UNC79: variants seen among roughly 807,000 people sequenced by gnomAD.
The protein encoded by UNC79 is unc-79 subunit of NALCN channel complex.
In UNC79, 37 loss-of-function variants were observed where a neutral mutation model predicts 283.1. That is an observed-to-expected ratio of 0.13 (90% CI 0.10 to 0.17). The LOEUF (loss-of-function observed/expected upper bound fraction) is 0.17. UNC79 is among the 10% of genes least tolerant of loss of function. The pLI, the probability that UNC79 is intolerant of heterozygous loss-of-function variation, is 1.00. For missense variants in UNC79, 2,272 were observed against 3,211.1 expected (o/e 0.71, Z 7.07); for synonymous variants, 1,107 against 1,200.2 (o/e 0.92, Z 1.61).
In UNC79 at chr14:93,523,342, G is replaced by A. The variant is rs111371069; in HGVS notation, c.899-636G>A. Among the ~76,000 whole-genome samples the A allele has an allele frequency of 9.5e-3, 1,454 of 152,278 alleles. 15 individuals carry two copies. The highest frequency in any genetic ancestry group is 0.026 in the African/African-American group (1,101 of 41,552). On this transcript the variant is annotated intron_variant, in intron 7 of 48. Coordinates refer to ENST00000555664, the Ensembl canonical transcript of UNC79. Reference sequence around the variant, plus strand: ...AGCAAAGGTTTAGTAGGTGGGTCACGTGTAAGAGAGAGATGCATTTCATTT... The same window carrying A: ...AGCAAAGGTTTAGTAGGTGGGTCACATGTAAGAGAGAGATGCATTTCATTT...
chr14:93,352,161 G>A (rs991914877), intron 1 of UNC79, among the ~76,000 whole-genome samples: 1 of 152,138 alleles, frequency 6.6e-6, no homozygotes, highest in African/African-American at 2.4e-5. Flanking sequence ...ATCTATCTTC[G>A]CTGTTCACTG....
At chr14:93,498,450 A>G (rs2140638154) in intron 7 of UNC79, among the ~76,000 whole-genome samples, 1 of 151,642 alleles carries the variant, frequency 6.6e-6, no homozygotes, top group African/African-American at 2.4e-5. Flanking sequence ...TTTTAGCCGG[A>G]CGTGGTGGCA....
exon 23 of UNC79, chr14:93,593,681 C>T: frequency 6.2e-7 from 1 of 1,610,702 alleles, no homozygotes; most frequent in Middle Eastern, 1.7e-4. Context: ...ATTCCCTAGC[C>T]TGTGGAGGGT....
At chr14:93,495,830 A>T (rs1285052291) in intron 5 of UNC79, among the ~76,000 whole-genome samples, 8 of 152,228 alleles carry the variant, frequency 5.3e-5, no homozygotes, top group Admixed American at 4.6e-4. Context: ...CCAAGTGAAG[A>T]TAGGCAAATC....
chr14:93,628,514 C>T (rs2067746466), intron 30 of UNC79, among the ~76,000 whole-genome samples: 1 of 152,194 alleles, frequency 6.6e-6, no homozygotes, highest in Non-Finnish European at 1.5e-5. Flanking sequence ...TTCCAACATA[C>T]AATAATTTAT....
chr14:93,570,746 T>G (rs1303054876), intron 14 of UNC79, among the ~76,000 whole-genome samples: 1 of 149,108 alleles, frequency 6.7e-6, no homozygotes, highest in Non-Finnish European at 1.5e-5. Context: ...CTAAAAATCC[T>G]TTTAAATATG....
intron 35 of UNC79, among the ~76,000 whole-genome samples, chr14:93,651,852 G>T (rs901143783): frequency 6.7e-6 from 1 of 150,196 alleles, no homozygotes; most frequent in African/African-American, 2.5e-5. Flanking sequence ...GGATTCTCCT[G>T]CCTCAGGCTC....
At chr14:93,589,906 A>G (rs564465864) in intron 22 of UNC79, among the ~76,000 whole-genome samples, 1 of 152,304 alleles carries the variant, frequency 6.6e-6, no homozygotes, top group African/African-American at 2.4e-5. Flanking sequence ...CTGCTAAAAC[A>G]AAATATTAGC....
chr14:93,593,525 T>A (rs2064843653), intron 22 of UNC79, among the ~76,000 whole-genome samples, 155 bp from the exon 23 acceptor site: 1 of 152,216 alleles, frequency 6.6e-6, no homozygotes, highest in Non-Finnish European at 1.5e-5. Context: ...GAAACGTCTG[T>A]CAGAGGATTA....
rs186943749 is a variant in UNC79 at position 93,462,259 on chromosome 14, T to A, written c.23-5412T>A. The stretch of plus-strand genomic sequence containing the variant: ...AGGTGGAGGTTGCAGTGAGCGGAGA[T>A]CGGGCCACTGCATCCCAGGCTGGGT... On this transcript the variant is annotated intron_variant, in intron 1 of 48. Transcript: ENST00000555664. Among the ~76,000 whole-genome samples the A allele has an allele frequency of 3.3e-5, 5 of 152,184 alleles. No homozygotes were observed. The East Asian group carries it at 7.7e-4, about 24-fold the overall frequency.
chr14:93,413,409 C>G (rs1032664798), intron 1 of UNC79, among the ~76,000 whole-genome samples: 10 of 151,356 alleles, frequency 6.6e-5, no homozygotes, highest in African/African-American at 2.2e-4. Context: ...GCCACATTTT[C>G]TTAATCCAGT....
chr14:93,676,858 G>A (rs2073385632), intron 41 of UNC79, among the ~76,000 whole-genome samples: 2 of 152,300 alleles, frequency 1.3e-5, no homozygotes, highest in South Asian at 2.1e-4. Flanking sequence ...ACTTCTGAAT[G>A]TGTTTTATGG....
intron 7 of UNC79, among the ~76,000 whole-genome samples, chr14:93,512,312 A>G (rs961500022): frequency 6.6e-6 from 1 of 151,378 alleles, no homozygotes. Context: ...TCTTTGAAAG[A>G]TTTTCTGTTT....
chr14:93,487,633 T>A (rs1370285047), intron 4 of UNC79, 30 bp from the exon 5 acceptor site: 23 of 1,588,832 alleles, frequency 1.4e-5, no homozygotes, highest in Non-Finnish European at 1.7e-5. Flanking sequence ...GAGATTAAAT[T>A]GTGTCTAATC....
intron 1 of UNC79, among the ~76,000 whole-genome samples, chr14:93,382,817 C>T (rs2054691273): frequency 1.3e-5 from 2 of 152,100 alleles, no homozygotes; most frequent in South Asian, 4.1e-4. Flanking sequence ...GTTACCACTG[C>T]CGCATCAATA....
chr14:93,516,077 C>G (rs2060039333), intron 7 of UNC79, among the ~76,000 whole-genome samples: 1 of 151,820 alleles, frequency 6.6e-6, no homozygotes, highest in Admixed American at 6.6e-5. Context: ...TGTTTCAGTT[C>G]AATTTGTTGA....
intron 7 of UNC79, 92 bp from the exon 8 acceptor site, chr14:93,523,886 T>C: frequency 7.2e-7 from 1 of 1,391,558 alleles, no homozygotes; most frequent in Non-Finnish European, 1.0e-6. Context: ...GATGGTTCTG[T>C]TTAGAAAAAA....
intron 47 of UNC79, among the ~76,000 whole-genome samples, chr14:93,702,098 C>A (rs1274602115): frequency 5.9e-5 from 9 of 152,182 alleles, no homozygotes; most frequent in African/African-American, 1.7e-4. Context: ...GCATCAGCAC[C>A]CTCCAGGGCT....
intron 47 of UNC79, among the ~76,000 whole-genome samples, chr14:93,700,335 C>T (rs2075436538): frequency 1.3e-5 from 2 of 152,108 alleles, no homozygotes; most frequent in South Asian, 4.1e-4. Flanking sequence ...GGAAAAATAT[C>T]AGCCATTGTT....
Sources: allele counts gnomAD v4.1 joint callset (sites outside exome capture counted in the v4.1 genomes callset), GRCh38; gene constraint gnomAD v4.1.1; transcripts MANE v1.5; gene names NCBI Gene and HGNC (gene_info 2026-07-23, HGNC 2026-07-21).